TIAM1: variants seen among roughly 807,000 people sequenced by gnomAD.
TIAM1 encodes the protein rho guanine nucleotide exchange factor TIAM1.
TIAM1 carries 65 observed loss-of-function variants against 163.5 expected under a neutral mutation model. That is an observed-to-expected ratio of 0.40 (90% CI 0.33 to 0.49). TIAM1 has a LOEUF of 0.49. Among genes scored for constraint, TIAM1 ranks in the 20% least tolerant of loss-of-function variants. The pLI is 0.77. For synonymous variants in TIAM1, 833 were observed against 810.1 expected (o/e 1.03, Z -0.48); for missense variants, 1,789 against 2,044.7 (o/e 0.87, Z 2.41).
intron 1 of TIAM1, among the ~76,000 whole-genome samples, chr21:31,557,983 C>A (rs956263471): frequency 6.3e-4 from 96 of 152,214 alleles, no homozygotes; most frequent in African/African-American, 2.1e-3. Context: ...CGGCATCTTT[C>A]CCCTGCAGCA....
intron 2 of TIAM1, among the ~76,000 whole-genome samples, chr21:31,456,109 C>G (rs2147338111): frequency 6.6e-6 from 1 of 152,296 alleles, no homozygotes; most frequent in Non-Finnish European, 1.5e-5. Context: ...TGTCACTACA[C>G]TCAAGTGGTT....
chr21:31,237,200 G>C (rs2070939884), intron 6 of TIAM1, among the ~76,000 whole-genome samples: 1 of 152,138 alleles, frequency 6.6e-6, no homozygotes, highest in Non-Finnish European at 1.5e-5. Context: ...CCTTTGAGAG[G>C]GGCACTGGGT....
At chr21:31,209,959 C>A in intron 11 of TIAM1, 86 bp downstream of exon 11, 1 of 1,447,714 alleles carries the variant, frequency 6.9e-7, no homozygotes, top group East Asian at 2.3e-5. Context: ...CTCTCCCACA[C>A]GGCTCTGGGT....
At chr21:31,525,108 G>A (rs564217324) in intron 1 of TIAM1, among the ~76,000 whole-genome samples, 63 of 151,966 alleles carry the variant, frequency 4.1e-4, no homozygotes, top group Non-Finnish European at 7.9e-4. Context: ...GGCTGGGCGC[G>A]GTGGCTCATA....
At chr21:31,423,550 G>A (rs2043661060) in intron 2 of TIAM1, among the ~76,000 whole-genome samples, 1 of 151,820 alleles carries the variant, frequency 6.6e-6, no homozygotes, top group Admixed American at 6.6e-5. Flanking sequence ...TTCACTTAAT[G>A]TCCATCTTCC....
At chr21:31,553,279 T>C (rs539507168) in intron 1 of TIAM1, among the ~76,000 whole-genome samples, 5 of 152,304 alleles carry the variant, frequency 3.3e-5, no homozygotes, top group East Asian at 1.9e-4. Context: ...TGGTTATCAG[T>C]ACCCAGGTAG....
At chr21:31,497,600 T>A (rs1020909152) in intron 1 of TIAM1, among the ~76,000 whole-genome samples, 1 of 152,236 alleles carries the variant, frequency 6.6e-6, no homozygotes, top group Non-Finnish European at 1.5e-5. Flanking sequence ...CTATTTACTT[T>A]TATATATTTT....
chr21:31,311,980 A>AT (rs373360851), intron 2 of TIAM1, among the ~76,000 whole-genome samples: 90 of 152,328 alleles, frequency 5.9e-4, no homozygotes, highest in African/African-American at 2.1e-3. Flanking sequence ...CCCATGCTGG[A>AT]TGCTTCCTGC....
chr21:31,400,759 C>T (rs2077151059), intron 2 of TIAM1, among the ~76,000 whole-genome samples: 1 of 152,164 alleles, frequency 6.6e-6, no homozygotes, highest in Non-Finnish European at 1.5e-5. Context: ...TCCTGTCATC[C>T]AGTGACTTCA....
intron 7 of TIAM1, 58 bp downstream of exon 7, chr21:31,225,668 A>AC: frequency 6.8e-7 from 1 of 1,460,576 alleles, no homozygotes; most frequent in Non-Finnish European, 9.3e-7. Context: ...AAAAAAAAAA[A>AC]AAACCCTTTT....
chr21:31,351,609 T>C (rs1298728573), intron 2 of TIAM1, among the ~76,000 whole-genome samples: 1 of 152,150 alleles, frequency 6.6e-6, no homozygotes, highest in African/African-American at 2.4e-5. Flanking sequence ...GGAGGCAGTC[T>C]GACTCACCAG....
intron 1 of TIAM1, among the ~76,000 whole-genome samples, chr21:31,507,178 AATTTTTTTTT>A (rs2047058373): frequency 1.5e-5 from 1 of 65,756 alleles, no homozygotes; most frequent in African/African-American, 6.2e-5. Context: ...GCACCTTTTT[AATTTTTTTTT>A]TTTTTTTTTT....
intron 2 of TIAM1, among the ~76,000 whole-genome samples, chr21:31,392,998 C>T (rs565421312): frequency 2.4e-4 from 37 of 151,164 alleles, no homozygotes; most frequent in South Asian, 1.9e-3. Context: ...CTCTGTTGCC[C>T]GGGCTAGAGT....
In TIAM1 at chr21:31,551,375, A is replaced by C. The variant is rs537116799; in HGVS notation, c.-422+7552T>G. Among the ~76,000 whole-genome samples, 3 of 152,120 alleles carry C rather than the reference A, an allele frequency of 2.0e-5. No individual in the cohort carries two copies. In the South Asian group the frequency reaches 6.2e-4, roughly 32 times the overall value. On this transcript the variant is annotated intron_variant, in intron 1 of 28. Coordinates refer to the TIAM1 transcript ENST00000286827. Reference sequence around the variant, plus strand: ...CACCAAGCCGCGATCATGCCATTGCACTCCAGCCTGGGGAACAGAGCGAGG... The same window carrying C: ...CACCAAGCCGCGATCATGCCATTGCCCTCCAGCCTGGGGAACAGAGCGAGG...
intron 1 of TIAM1, among the ~76,000 whole-genome samples, chr21:31,468,135 T>C (rs1353377674): frequency 6.6e-6 from 1 of 151,824 alleles, no homozygotes; most frequent in Non-Finnish European, 1.5e-5. Context: ...CTGCCTTTCT[T>C]GATCTCAAAA....
intron 4 of TIAM1, 142 bp downstream of exon 4, chr21:31,265,868 C>G (rs1044113158): frequency 1.6e-6 from 2 of 1,214,514 alleles, no homozygotes; most frequent in Non-Finnish European, 2.3e-6. Flanking sequence ...GAAATCCTCC[C>G]AAAACAGCAC....
intron 16 of TIAM1, among the ~76,000 whole-genome samples, chr21:31,156,607 CT>C (rs1413503722): frequency 6.6e-6 from 1 of 152,184 alleles, no homozygotes; most frequent in Non-Finnish European, 1.5e-5. Flanking sequence ...AGGGCTTTGT[CT>C]TAAAAATTAC....
chr21:31,182,618 T>G lies in TIAM1; in HGVS notation c.2690A>C (p.Glu897Ala), dbSNP rs758296499. 6.2e-6 allele frequency: 10 copies of G among 1,611,428 alleles called. No homozygotes were observed. The highest frequency in any genetic ancestry group is 4.5e-5 in the East Asian group (2 of 44,840). ...KGLKAGDEIL[E>A]INNRAADALN... The stretch of plus-strand genomic sequence containing the variant: ...GGCGTCAGCAGCACGATTATTGATC[T>G]CAAGAATCTCATCTCCTGCTTTCAG... The change falls in exon 15 of 28, where the codon GAG (glutamate) becomes GCG (alanine). Residue 897 changes from glutamate to alanine, a missense_variant. Glu to Ala is a moderately radical substitution (Grantham distance 107). Transcript: ENST00000541036.
At chr21:31,338,550 C>T (rs1234707035) in intron 2 of TIAM1, among the ~76,000 whole-genome samples, 3 of 152,146 alleles carry the variant, frequency 2.0e-5, no homozygotes, top group Non-Finnish European at 2.9e-5. Context: ...CATGGGCTAA[C>T]GTGACCGTTC....
Sources: allele counts gnomAD v4.1 joint callset (sites outside exome capture counted in the v4.1 genomes callset), GRCh38; gene constraint gnomAD v4.1.1; transcripts MANE v1.5; gene names NCBI Gene and HGNC (gene_info 2026-07-23, HGNC 2026-07-21).